Variants in IL1RAPL2 observed in about 807,000 individuals in gnomAD.
IL1RAPL2 encodes X-linked interleukin-1 receptor accessory protein-like 2.
Under a neutral mutation model 44.1 loss-of-function variants are expected in IL1RAPL2, and 3 were observed. The observed-to-expected ratio is 0.07, with a 90% confidence interval of 0.03 to 0.18. The LOEUF is 0.18. IL1RAPL2 is among the 10% of genes least tolerant of loss of function. IL1RAPL2 has a pLI of 1.00. For synonymous variants in IL1RAPL2, 181 were observed against 178.8 expected (o/e 1.01, Z -0.10); for missense variants, 391 against 496.4 (o/e 0.79, Z 2.02).
At chrX:104,917,714 A>T in intron 2 of IL1RAPL2, among the ~76,000 whole-genome samples, 1 of 112,084 alleles carries the variant, frequency 8.9e-6, no homozygotes, top group Middle Eastern at 4.6e-3. Context: ...GAATTTAAAC[A>T]CCAGGGTTTA....
intron 5 of IL1RAPL2, among the ~76,000 whole-genome samples, chrX:105,287,546 T>C (rs909348952): frequency 4.5e-5 from 5 of 111,534 alleles, no homozygotes; most frequent in African/African-American, 1.6e-4. Flanking sequence ...AGTTTCAGTG[T>C]GGAGAATGAA....
chrX:105,677,191 T>C (rs925997199), intron 6 of IL1RAPL2, among the ~76,000 whole-genome samples: 1 of 112,156 alleles, frequency 8.9e-6, no homozygotes, highest in Non-Finnish European at 1.9e-5. Flanking sequence ...TATTTTCAAG[T>C]TGATAACTTA....
intron 5 of IL1RAPL2, among the ~76,000 whole-genome samples, chrX:105,289,327 T>C (rs1288435296): frequency 1.8e-5 from 2 of 110,590 alleles, no homozygotes. Context: ...TGGAAAGCCA[T>C]TGAAGGGTTT....
At chrX:104,807,351 T>G (rs1932929785) in intron 2 of IL1RAPL2, among the ~76,000 whole-genome samples, 1 of 111,396 alleles carries the variant, frequency 9.0e-6, no homozygotes, top group Admixed American at 9.6e-5. Flanking sequence ...GGAAGCTCAC[T>G]TTGCAGGAAA....
intron 2 of IL1RAPL2, among the ~76,000 whole-genome samples, chrX:105,128,909 T>C (rs1298017572): frequency 2.7e-5 from 3 of 111,388 alleles, no homozygotes; most frequent in African/African-American, 9.8e-5. Context: ...GAGTAGAAGT[T>C]TTAGAGCTGT....
chrX:104,989,806 T>C (rs2030628560), intron 2 of IL1RAPL2, among the ~76,000 whole-genome samples: 1 of 111,989 alleles, frequency 8.9e-6, no homozygotes, highest in Non-Finnish European at 1.9e-5. Flanking sequence ...CATTTTGTCA[T>C]GACTCTATTT....
At chrX:104,753,944 G>T (rs921967308) in intron 2 of IL1RAPL2, among the ~76,000 whole-genome samples, 2 of 111,275 alleles carry the variant, frequency 1.8e-5, no homozygotes, top group Non-Finnish European at 3.8e-5. Flanking sequence ...TTAGCGTTCA[G>T]GTTTTAGACT....
chrX:105,249,208 G>C (rs1023031395), intron 4 of IL1RAPL2, among the ~76,000 whole-genome samples: 2 of 110,984 alleles, frequency 1.8e-5, no homozygotes, highest in East Asian at 5.7e-4. Context: ...GATGGAACCA[G>C]AGGTCATTAT....
At chrX:105,173,308 C>T (rs1397952409) in intron 2 of IL1RAPL2, among the ~76,000 whole-genome samples, 2 of 111,997 alleles carry the variant, frequency 1.8e-5, no homozygotes, top group Admixed American at 9.4e-5. Flanking sequence ...ATAACAACTG[C>T]GGGTTTGCCC....
intron 5 of IL1RAPL2, among the ~76,000 whole-genome samples, chrX:105,282,124 C>T (rs926042179): frequency 1.8e-5 from 2 of 111,890 alleles, no homozygotes; most frequent in Non-Finnish European, 3.8e-5. Flanking sequence ...GTGGTCAGGG[C>T]AAGTATTGTT....
rs1602775112 is a variant in IL1RAPL2, at chrX:104,876,868, A to G, written c.82+217873A>G. Among the ~76,000 whole-genome samples, 3 of 108,934 alleles carry G rather than the reference A, an allele frequency of 2.8e-5. No individual in the cohort carries two copies. The South Asian group carries it at 1.2e-3, about 44-fold the overall frequency. 94.6% of individuals were successfully genotyped at this position (108,934 alleles called of 115,157 possible). ...AGCATTAGGTATATCTCCCAATGCT[A>G]TCCCTCCCCGCTCCGCCCACCCCAC... On this transcript the variant is annotated intron_variant, in intron 2 of 10. Coordinates refer to ENST00000372582, the MANE Select transcript of IL1RAPL2 (RefSeq NM_017416.2).
In IL1RAPL2 at chrX:105,676,978, T is replaced by C. The variant is rs1002394214; in HGVS notation, c.773-40389T>C. 7.1e-5 allele frequency among the ~76,000 whole-genome samples: 8 copies of C among 112,118 alleles called. No homozygotes were observed. The Admixed American group carries it at 7.6e-4, about 11-fold the overall frequency. ...ACAAGATACATAGTAATTTCATCAT[T>C]TTCTGCTGTTTGCTATGTGAAGTAA... On this transcript the variant is annotated intron_variant, in intron 6 of 10. Transcript: ENST00000372582.
chrX:105,038,194 A>G (rs1196737077), intron 2 of IL1RAPL2, among the ~76,000 whole-genome samples: 1 of 80,549 alleles, frequency 1.2e-5, no homozygotes, highest in African/African-American at 4.7e-5. Context: ...ATCCACTCCA[A>G]TAAACTGAAA....
chrX:104,990,286 A>G (rs2030638184), intron 2 of IL1RAPL2, among the ~76,000 whole-genome samples: 1 of 112,472 alleles, frequency 8.9e-6, no homozygotes, highest in Admixed American at 9.4e-5. Context: ...TGTAAAAGTC[A>G]CAGGAAAGTA....
intron 2 of IL1RAPL2, among the ~76,000 whole-genome samples, chrX:105,071,943 G>T (rs1331845464): frequency 8.9e-6 from 1 of 112,044 alleles, no homozygotes; most frequent in Non-Finnish European, 1.9e-5. Context: ...AAAGCTTCTT[G>T]ACATTGGTCT....
chrX:104,827,904 A>G (rs1371515698), intron 2 of IL1RAPL2, among the ~76,000 whole-genome samples: 1 of 110,835 alleles, frequency 9.0e-6, no homozygotes, highest in African/African-American at 3.3e-5. Context: ...CCTTTTTTCC[A>G]CTTGATCAGT....
intron 5 of IL1RAPL2, among the ~76,000 whole-genome samples, chrX:105,272,200 T>G (rs930674487): frequency 2.8e-5 from 3 of 106,807 alleles, no homozygotes; most frequent in African/African-American, 1.0e-4. Context: ...AGTTAGTGGG[T>G]GCAGCGCACC....
intron 4 of IL1RAPL2, among the ~76,000 whole-genome samples, chrX:105,238,943 G>A (rs1476016782): frequency 1.8e-5 from 2 of 111,689 alleles, no homozygotes; most frequent in African/African-American, 6.5e-5. Flanking sequence ...AAACTTTTGA[G>A]AGAATACAGT....
chrX:105,078,873 C>T (rs1457547688), intron 2 of IL1RAPL2, among the ~76,000 whole-genome samples: 5 of 112,483 alleles, frequency 4.4e-5, no homozygotes, highest in South Asian at 7.3e-4. Context: ...TTGTTAAGCC[C>T]GTTGGGAGGG....
Sources: gnomAD v4.1 joint callset for allele counts (sites outside exome capture counted in the v4.1 genomes callset) on GRCh38, gnomAD v4.1.1 for gene constraint, MANE v1.5 for transcripts, NCBI Gene and HGNC (gene_info 2026-07-23, HGNC 2026-07-21) for gene names.